Variants in VTI1A observed in about 807,000 individuals in gnomAD.
VTI1A encodes the protein vesicle transport through interaction with t-SNAREs 1A, also known as vesicle transport through interaction with t-SNAREs homolog 1A.
VTI1A carries 22 observed loss-of-function variants against 34.9 expected under a neutral mutation model. That is an observed-to-expected ratio of 0.63 (90% CI 0.45 to 0.90). The LOEUF (loss-of-function observed/expected upper bound fraction) is 0.90. VTI1A is among the 40% of genes least tolerant of loss of function. The pLI, the probability that VTI1A is intolerant of heterozygous loss-of-function variation, is 0.00. For missense variants in VTI1A, 268 were observed against 275.6 expected (o/e 0.97, Z 0.20); for synonymous variants, 87 against 97.3 (o/e 0.89, Z 0.62).
At chr10:112,600,535 T>G (rs1297124262) in intron 5 of VTI1A, among the ~76,000 whole-genome samples, 1 of 152,208 alleles carries the variant, frequency 6.6e-6, no homozygotes, top group African/African-American at 2.4e-5. Flanking sequence ...CTCACTGGCT[T>G]CGTTCATGTG....
chr10:112,459,988 A>G (rs929315227), intron 1 of VTI1A, among the ~76,000 whole-genome samples: 2 of 152,210 alleles, frequency 1.3e-5, no homozygotes, highest in African/African-American at 4.8e-5. Context: ...CCAGGATCCC[A>G]TAACCATTGA....
chr10:112,604,562 C>T (rs1162586225), intron 5 of VTI1A, among the ~76,000 whole-genome samples: 1 of 152,176 alleles, frequency 6.6e-6, no homozygotes, highest in Non-Finnish European at 1.5e-5. Context: ...AACTCTTATA[C>T]ACTCATAAAC....
chr10:112,821,149 T>A (rs151052686), downstream of VTI1A, among the ~76,000 whole-genome samples: 64 of 152,292 alleles, frequency 4.2e-4, no homozygotes, highest in African/African-American at 1.5e-3. Context: ...AGCTCTGGAC[T>A]GTGATTCCAT....
chr10:112,469,684 C>T (rs1848014002), intron 3 of VTI1A, among the ~76,000 whole-genome samples: 1 of 152,110 alleles, frequency 6.6e-6, no homozygotes, highest in Non-Finnish European at 1.5e-5. Context: ...TTTGGAATTC[C>T]ATCTCTCTGC....
chr10:112,837,984 A>G, the VTI1A span, among the ~76,000 whole-genome samples: 1 of 152,260 alleles, frequency 6.6e-6, no homozygotes, highest in Admixed American at 6.5e-5. Flanking sequence ...CTTACGAGGC[A>G]GCAACCTTCA....
chr10:112,611,679 A>C (rs1464976919), intron 5 of VTI1A, among the ~76,000 whole-genome samples: 4 of 152,002 alleles, frequency 2.6e-5, no homozygotes, highest in Non-Finnish European at 4.4e-5. Flanking sequence ...GAGTTTTGCT[A>C]ATTGCAAAAT....
intron 5 of VTI1A, among the ~76,000 whole-genome samples, chr10:112,605,476 C>T (rs567221357): frequency 1.3e-5 from 2 of 152,308 alleles, no homozygotes; most frequent in South Asian, 4.1e-4. Context: ...TTAGCTGCTT[C>T]TGAGCGTGTG....
intron 7 of VTI1A, among the ~76,000 whole-genome samples, chr10:112,681,141 C>G (rs947735732): frequency 2.0e-5 from 3 of 150,068 alleles, no homozygotes; most frequent in South Asian, 2.1e-4. Context: ...AGTGGCCCAA[C>G]AATAGCTCAC....
In VTI1A at chr10:112,573,321, A is replaced by C. The variant is rs368885183; in HGVS notation, c.427+34991A>C. ...AACTTGGAAATCAAGACTAAGCCCT[A>C]GATCTCTTTATTGTCCCGTTTTCCT... On this transcript the variant is annotated intron_variant, in intron 5 of 7. Coordinates refer to ENST00000393077, the MANE Select transcript of VTI1A (RefSeq NM_145206.4). Among the ~76,000 whole-genome samples the C allele has an allele frequency of 1.4e-3, 216 of 152,262 alleles. 8 individuals are homozygous for C. In the South Asian group the frequency reaches 0.044, roughly 31 times the overall value.
chr10:112,798,292 A>G (rs2134068323), intron 7 of VTI1A, among the ~76,000 whole-genome samples: 1 of 152,252 alleles, frequency 6.6e-6, no homozygotes, highest in South Asian at 2.1e-4. Context: ...TTGGGCTTTC[A>G]ACACGTCTTC....
chr10:112,460,592 G>A lies in VTI1A; in HGVS notation c.153+10G>A. On this transcript the variant is annotated intron_variant, in intron 2 of 7. Coordinates refer to ENST00000393077, the MANE Select transcript of VTI1A (RefSeq NM_145206.4). ...AGAAGCGAAAGAACTGGTATGTACA[G>A]ACAGTAATGTATTTTAACACACAGC... is the stretch of plus-strand genomic sequence containing the variant. 6.3e-7 allele frequency: 1 copy of A among 1,588,078 alleles called. No individual in the cohort carries two copies. The highest frequency in any genetic ancestry group is 2.3e-5 in the East Asian group (1 of 43,576).
rs372266843 is a variant in VTI1A, at chr10:112,694,696, G to C, written c.560+25698G>C. ...GAAAGCATATGTTCCAGCTGGGCAC[G>C]GTGGATCAAGCCTTGTAATCCCAGC... On this transcript the variant is annotated intron_variant, in intron 7 of 7. Transcript: ENST00000393077. Among the ~76,000 whole-genome samples, 3 of 152,108 alleles carry C rather than the reference G, an allele frequency of 2.0e-5. No individual in the cohort carries two copies. In the East Asian group the frequency reaches 5.8e-4, roughly 30 times the overall value.
intron 7 of VTI1A, among the ~76,000 whole-genome samples, chr10:112,756,361 A>G (rs1851283318): frequency 6.6e-6 from 1 of 152,160 alleles, no homozygotes; most frequent in Non-Finnish European, 1.5e-5. Context: ...CTCTCAGCAA[A>G]CAAAATCAGC....
Position 112,644,807 on chromosome 10 carries a change from G to A in VTI1A, c.428-23411G>A, listed in dbSNP as rs542863744. On this transcript the variant is annotated intron_variant, in intron 5 of 7. Coordinates refer to ENST00000393077, the MANE Select transcript of VTI1A (RefSeq NM_145206.4). ...GCAGAATTGGGCTTCTCTACCTAGCGTTTGTATGAGAATATCAGATTATAC... is the reference window on the plus strand; with the variant it reads ...GCAGAATTGGGCTTCTCTACCTAGCATTTGTATGAGAATATCAGATTATAC... 3.9e-5 allele frequency among the ~76,000 whole-genome samples: 6 copies of A among 152,206 alleles called. No individual in the cohort carries two copies. The South Asian group carries it at 6.2e-4, about 16-fold the overall frequency.
chr10:112,755,541 C>T (rs530826289), intron 7 of VTI1A, among the ~76,000 whole-genome samples: 4 of 152,146 alleles, frequency 2.6e-5, no homozygotes, highest in Non-Finnish European at 5.9e-5. Context: ...CACGGAGCAG[C>T]GCCCATAAAC....
intron 5 of VTI1A, among the ~76,000 whole-genome samples, chr10:112,580,146 T>C (rs1401857965): frequency 6.6e-6 from 1 of 152,194 alleles, no homozygotes; most frequent in Non-Finnish European, 1.5e-5. Context: ...AGGAACCTCA[T>C]TGATCATTTC....
At chr10:112,711,328 G>C (rs188934866) in intron 7 of VTI1A, among the ~76,000 whole-genome samples, 6 of 152,264 alleles carry the variant, frequency 3.9e-5, no homozygotes, top group Non-Finnish European at 7.4e-5. Flanking sequence ...TCATGGCTTT[G>C]CTTACTCTGA....
chr10:112,463,151 C>T (rs1431278494), intron 2 of VTI1A, among the ~76,000 whole-genome samples: 1 of 152,120 alleles, frequency 6.6e-6, no homozygotes, highest in African/African-American at 2.4e-5. Context: ...TCTCAAACTC[C>T]TGACCTCAGG....
intron 3 of VTI1A, among the ~76,000 whole-genome samples, chr10:112,500,389 C>T (rs1048923094): frequency 6.6e-5 from 10 of 151,062 alleles, no homozygotes; most frequent in Non-Finnish European, 1.0e-4. Flanking sequence ...CAGCCGAGAT[C>T]GCACCACGGC....
Sources: gnomAD v4.1 joint callset for allele counts (sites outside exome capture counted in the v4.1 genomes callset) on GRCh38, gnomAD v4.1.1 for gene constraint, MANE v1.5 for transcripts, NCBI Gene and HGNC (gene_info 2026-07-23, HGNC 2026-07-21) for gene names.